Variants in OTUD7A observed in about 807,000 individuals in gnomAD.
OTUD7A encodes the protein OTU deubiquitinase 7A.
OTUD7A carries 12 observed loss-of-function variants against 65.7 expected under a neutral mutation model. That is an observed-to-expected ratio of 0.18 (90% CI 0.12 to 0.30). The LOEUF (loss-of-function observed/expected upper bound fraction) is 0.30, where lower values mean the gene tolerates loss of function less well. Ranked by LOEUF, OTUD7A falls within the 10% of genes least tolerant of loss-of-function variation. The probability of loss-of-function intolerance (pLI) is 1.00; values close to 1 mark genes in which losing one functional copy is unlikely to be tolerated. For missense variants in OTUD7A, 1,148 were observed against 1,304.8 expected, an observed-to-expected ratio of 0.88 and a Z score of 1.85; for synonymous variants, 641 against 586.3, an observed-to-expected ratio of 1.09 and a Z score of -1.35.
chr15:31,561,466 C>A (rs1595612055), intron 4 of OTUD7A, among the ~76,000 whole-genome samples: 1 of 152,254 alleles, frequency 6.6e-6, no homozygotes, highest in Non-Finnish European at 1.5e-5. Flanking sequence ...GTGGGACAGA[C>A]AATCTCAAGG....
chr15:31,710,214 G>C (rs1893406770), intron 1 of OTUD7A, among the ~76,000 whole-genome samples: 1 of 148,690 alleles, frequency 6.7e-6, no homozygotes, highest in South Asian at 2.2e-4. Context: ...TTCCCTAATA[G>C]ACATCTGTCT....
At chr15:31,627,972 A>C (rs1212690401) in intron 3 of OTUD7A, among the ~76,000 whole-genome samples, 1 of 151,882 alleles carries the variant, frequency 6.6e-6, no homozygotes, top group Admixed American at 6.6e-5. Flanking sequence ...GTTTGAGTTC[A>C]TTGTAGATTC....
At chr15:31,760,719 T>C (rs1894937760) in intron 1 of OTUD7A, among the ~76,000 whole-genome samples, 1 of 152,176 alleles carries the variant, frequency 6.6e-6, no homozygotes, top group Non-Finnish European at 1.5e-5. Context: ...CTAAAATTCA[T>C]ATGGAAATTC....
At chr15:31,841,015 A>T (rs777036771) in intron 1 of OTUD7A, among the ~76,000 whole-genome samples, 1 of 152,188 alleles carries the variant, frequency 6.6e-6, no homozygotes, top group Non-Finnish European at 1.5e-5. Context: ...TGTGGAGAAC[A>T]GAAAGTTGAA....
At chr15:31,683,073 C>T (rs1402653126) in intron 1 of OTUD7A, among the ~76,000 whole-genome samples, 1 of 152,132 alleles carries the variant, frequency 6.6e-6, no homozygotes, top group East Asian at 1.9e-4. Flanking sequence ...TGGCTCTTTC[C>T]ATTAAGAAAA....
chr15:31,595,257 C>T (rs1050322787), intron 3 of OTUD7A, among the ~76,000 whole-genome samples: 3 of 152,174 alleles, frequency 2.0e-5, no homozygotes, highest in African/African-American at 7.2e-5. Context: ...AGAGACCAGA[C>T]CATTGGCAGA....
intron 1 of OTUD7A, among the ~76,000 whole-genome samples, chr15:31,722,623 G>A (rs1303687148): frequency 6.6e-6 from 1 of 152,224 alleles, no homozygotes; most frequent in Non-Finnish European, 1.5e-5. Flanking sequence ...GGGATGGAAT[G>A]CAGGCAGGAC....
chr15:31,683,347 C>T (rs1892762674), intron 1 of OTUD7A, among the ~76,000 whole-genome samples: 1 of 152,162 alleles, frequency 6.6e-6, no homozygotes, highest in Admixed American at 6.5e-5. Context: ...ACCCAGCTTT[C>T]TATAATACCC....
Position 31,483,799 on chromosome 15 carries a change from G to C in OTUD7A, c.2297C>G (p.Pro766Arg). The change falls in exon 13 of 13, where the codon CCT becomes CGT. Residue 766 changes from proline to arginine, a missense_variant. Coordinates refer to ENST00000307050, the MANE Select transcript of OTUD7A (RefSeq NM_001382637.1). ...ARRASASGPV[P>R]GRSPPAPARQ... The stretch of plus-strand genomic sequence containing the variant: ...CGCTGGCGCCGGGGGGCTGCGGCCA[G>C]GCACTGGTCCGCTGGCGCTCGCACG... The C allele has an allele frequency of 3.9e-6, 4 of 1,027,040 alleles. No homozygotes were observed. The highest frequency in any genetic ancestry group is 4.7e-6 in the Non-Finnish European group (4 of 859,146). 63.6% of individuals were successfully genotyped at this position (1,027,040 alleles called of 1,614,324 possible). A position where few individuals can be genotyped will look rare whatever the true frequency, so the allele number is the denominator to read the frequency against.
chr15:31,642,990 T>C (rs1891561889), intron 3 of OTUD7A, among the ~76,000 whole-genome samples: 1 of 152,144 alleles, frequency 6.6e-6, no homozygotes, highest in African/African-American at 2.4e-5. Flanking sequence ...GAGGCCCTGC[T>C]TCTTTTCTAA....
chr15:31,757,457 C>T (rs1894847455), intron 1 of OTUD7A, among the ~76,000 whole-genome samples: 1 of 151,876 alleles, frequency 6.6e-6, no homozygotes, highest in Non-Finnish European at 1.5e-5. Flanking sequence ...ACTGCTACTG[C>T]TACCACTTAA....
chr15:31,747,042 T>C (rs1431331357), intron 1 of OTUD7A, among the ~76,000 whole-genome samples: 1 of 152,082 alleles, frequency 6.6e-6, no homozygotes, highest in East Asian at 1.9e-4. Context: ...CACACAAATG[T>C]TGAACTATAC....
Position 31,799,317 on chromosome 15 carries a change from G to T in OTUD7A, c.-100+71190C>A, listed in dbSNP as rs193157580. On this transcript the variant is annotated intron_variant, in intron 1 of 12. Transcript: ENST00000307050. Reference sequence around the variant, plus strand: ...CAGATGAGAAAACACTTTCAGAGAGGGAAGCAAGTCTCTCCATTACACAGT... The same window carrying T: ...CAGATGAGAAAACACTTTCAGAGAGTGAAGCAAGTCTCTCCATTACACAGT... 6.0e-3 allele frequency among the ~76,000 whole-genome samples: 909 copies of T among 152,282 alleles called. 9 individuals are homozygous for T. The highest frequency in any genetic ancestry group is 0.019 in the African/African-American group (808 of 41,548).
intron 1 of OTUD7A, among the ~76,000 whole-genome samples, chr15:31,844,958 A>T (rs754216724): frequency 6.6e-6 from 1 of 152,166 alleles, no homozygotes; most frequent in Non-Finnish European, 1.5e-5. Flanking sequence ...CAGAGCTCCC[A>T]TAAGAATTCA....
chr15:31,711,449 C>T (rs1893443708), intron 1 of OTUD7A, among the ~76,000 whole-genome samples: 1 of 151,326 alleles, frequency 6.6e-6, no homozygotes, highest in Non-Finnish European at 1.5e-5. Flanking sequence ...CTCTCTCTTG[C>T]CTTACCTTAC....
At chr15:31,627,433 T>C (rs1437451759) in intron 3 of OTUD7A, among the ~76,000 whole-genome samples, 1 of 152,238 alleles carries the variant, frequency 6.6e-6, no homozygotes, top group East Asian at 1.9e-4. Flanking sequence ...CCATTTTTTA[T>C]GGCTGCATAG....
At chr15:31,826,430 G>C (rs1896799631) in intron 1 of OTUD7A, among the ~76,000 whole-genome samples, 2 of 152,224 alleles carry the variant, frequency 1.3e-5, no homozygotes, top group Non-Finnish European at 2.9e-5. Flanking sequence ...CTGGGACACA[G>C]GGCACCAAGT....
At chr15:31,788,167 T>C (rs1344998111) in intron 1 of OTUD7A, among the ~76,000 whole-genome samples, 4 of 152,224 alleles carry the variant, frequency 2.6e-5, no homozygotes, top group Admixed American at 1.3e-4. Context: ...AATATTTACA[T>C]CTTTTTTCCC....
rs977520438 is a variant in OTUD7A, at chr15:31,479,513, C to G, written c.*3781G>C. ...AGACTCACATGGAATGGAACTTACA[C>G]ACATGGATTTGGAAAAGTCTGTTTT... is the stretch of plus-strand genomic sequence containing the variant. On this transcript the variant is annotated 3_prime_UTR_variant, in exon 13 of 13. Transcript: ENST00000307050. 4.6e-5 allele frequency: 7 copies of G among 152,376 alleles called. No homozygotes were observed. The highest frequency in any genetic ancestry group is 1.7e-4 in the African/African-American group (7 of 41,580). 9.4% of individuals were successfully genotyped at this position (152,376 alleles called of 1,614,324 possible).
Sources: allele counts gnomAD v4.1 joint callset (sites outside exome capture counted in the v4.1 genomes callset), GRCh38; gene constraint gnomAD v4.1.1; transcripts MANE v1.5; gene names NCBI Gene and HGNC (gene_info 2026-07-23, HGNC 2026-07-21).